GPR78: variants seen among roughly 807,000 people sequenced by gnomAD.
GPR78 encodes G protein-coupled receptor 78.
In GPR78, 29 loss-of-function variants were observed where a neutral mutation model predicts 17.9. The observed-to-expected ratio is 1.62, with a 90% CI of 1.20 to 2.21. The LOEUF is 2.21. Ranked by LOEUF, GPR78 falls within the 30% of genes most tolerant of loss-of-function variation. GPR78 has a pLI of 0.00. For missense variants in GPR78, 649 were observed against 530.5 expected (o/e 1.22, Z -2.19); for synonymous variants, 349 against 256.9 (o/e 1.36, Z -3.43).
At chr4:8,584,086 T>C (rs1232813388) in intron 2 of GPR78, among the ~76,000 whole-genome samples, 1 of 152,212 alleles carries the variant, frequency 6.6e-6, no homozygotes, top group Non-Finnish European at 1.5e-5. Context: ...TTCATGTGTA[T>C]ACACACATGC....
In GPR78 at chr4:8,581,580, C is replaced by G. The variant is rs773356207; in HGVS notation, c.598C>G (p.Arg200Gly). 6.4e-7 allele frequency: 1 copy of G among 1,570,402 alleles called. No homozygotes were observed. Among genetic ancestry groups the G allele is most frequent in the South Asian group, 1.2e-5 (1 of 85,760 alleles). ...CTCGCTCCAGGTGCACCGGGTGGCA[C>G]GCAGACACTGCCAGCGCATGGACAC... ...LTSLQVHRVA[R>G]RHCQRMDTVT... Residue 200 changes from arginine to glycine, a missense_variant, in exon 1 of 3, where the codon CGC (arginine) becomes GGC (glycine). Physicochemically the swap from Arg to Gly is moderately radical, Grantham distance 125. Transcript: ENST00000382487.
At chr4:8,582,227 T>C (rs553929402) in intron 1 of GPR78, among the ~76,000 whole-genome samples, 1 of 152,116 alleles carries the variant, frequency 6.6e-6, no homozygotes, top group South Asian at 2.1e-4. Context: ...TCTCCCTCCT[T>C]GAGGGCCCCA....
Position 8,587,349 on chromosome 4 carries a change from C to T in GPR78, c.1078C>T (p.Gln360Ter). Residue 360 changes from glutamine (Q) to a stop codon, truncating the protein, a stop_gained, in exon 3 of 3, where the codon CAG becomes TAG. Transcript: ENST00000382487. LOFTEE classifies it high-confidence loss of function. Reference protein sequence around the residue: ...SVDTENDSCLQQTH With the variant: ...SVDTENDSCL Reference sequence around the variant, plus strand: ...GGACACAGAGAATGATTCCTGCCTGCAGCAGACACACTGAGGGCCTGGCAG... The same window carrying T: ...GGACACAGAGAATGATTCCTGCCTGTAGCAGACACACTGAGGGCCTGGCAG... 3 of 1,612,568 alleles carry T rather than the reference C, an allele frequency of 1.9e-6. No individual in the cohort carries two copies. The South Asian group carries it at 3.3e-5, about 18-fold the overall frequency.
chr4:8,584,204 G>A (rs1713408323), intron 2 of GPR78, among the ~76,000 whole-genome samples: 1 of 151,198 alleles, frequency 6.6e-6, no homozygotes, highest in South Asian at 2.1e-4. Context: ...AATGATGAGT[G>A]AGACTGGCTT....
At position 8,580,922 on chromosome 4, in the gene GPR78, C is replaced by G. The variant is rs1053567284; in HGVS notation, c.-61C>G. ...CAGCTGCTCCATCGCCTCACTTTCC[C>G]AGGCTCGCGCCCGAAGCAGAGCCAT... On this transcript the variant is annotated 5_prime_UTR_variant, in exon 1 of 3. Transcript: ENST00000382487. The G allele has an allele frequency of 1.5e-5, 21 of 1,409,914 alleles. No homozygotes were observed. Among genetic ancestry groups the G allele is most frequent in the Non-Finnish European group, 1.8e-5 (19 of 1,068,982 alleles). The allele number at this position is 1,409,914 out of a possible 1,614,324, so 87.3% of individuals were successfully genotyped here. A position where few individuals can be genotyped will look rare whatever the true frequency, so the allele number is the denominator to read the frequency against.
At chr4:8,584,103 G>A (rs1713404317) in intron 2 of GPR78, among the ~76,000 whole-genome samples, 1 of 152,160 alleles carries the variant, frequency 6.6e-6, no homozygotes, top group African/African-American at 2.4e-5. Context: ...ATGCATGTGT[G>A]TATTCATACA....
intron 2 of GPR78, chr4:8,582,849 C>G (rs1577098721): frequency 3.6e-6 from 2 of 557,916 alleles, no homozygotes; most frequent in Admixed American, 6.2e-5. Flanking sequence ...CCATCCTGTC[C>G]TATAAATGAG....
At chr4:8,586,387 C>A (rs564457328) in intron 2 of GPR78, among the ~76,000 whole-genome samples, 1 of 152,160 alleles carries the variant, frequency 6.6e-6, no homozygotes, top group South Asian at 2.1e-4. Flanking sequence ...GAGACACCCT[C>A]GAGCTTCTCT....
intron 2 of GPR78, among the ~76,000 whole-genome samples, chr4:8,583,327 C>A (rs1367890564): frequency 1.3e-5 from 2 of 152,058 alleles, no homozygotes; most frequent in African/African-American, 4.8e-5. Context: ...TAGAGGGAGG[C>A]AGGTTGTTTA....
In GPR78 at chr4:8,581,266, T is replaced by C. The variant is rs763140925; in HGVS notation, c.284T>C (p.Leu95Pro). ...LDTFLASNAALSVAALSADQW... is the reference protein window; with the variant it reads ...LDTFLASNAAPSVAALSADQW... ...ACCTTCCTGGCGTCCAACGCGGCGC[T>C]GAGCGTGGCGGCGCTGAGCGCAGAC... is the stretch of plus-strand genomic sequence containing the variant. Residue 95 changes from leucine to proline, a missense_variant, in exon 1 of 3, where the codon CTG (leucine) becomes CCG (proline). Transcript: ENST00000382487. 6.3e-7 allele frequency: 1 copy of C among 1,591,190 alleles called. No homozygotes were observed. Among genetic ancestry groups the C allele is most frequent in the Non-Finnish European group, 8.5e-7 (1 of 1,174,112 alleles).
rs1016708470 is a variant in GPR78 at position 8,587,256 on chromosome 4, G to A, written c.985G>A (p.Val329Met). The A allele has an allele frequency of 6.2e-7, 1 of 1,605,680 alleles. No individual in the cohort carries two copies. The highest frequency in any genetic ancestry group is 1.3e-5 in the African/African-American group (1 of 74,662). Reference sequence around the variant, plus strand: ...ATCCACCCATGACAGCTCTCTGGATGTGGCCGGCATGGTGCACCAGCTGCT... The same window carrying A: ...ATCCACCCATGACAGCTCTCTGGATATGGCCGGCATGGTGCACCAGCTGCT... ...PASTHDSSLDVAGMVHQLLKR... is the reference protein window; with the variant it reads ...PASTHDSSLDMAGMVHQLLKR... Residue 329 changes from valine (V) to methionine (M), a missense_variant, in exon 3 of 3, where the codon GTG becomes ATG. Coordinates refer to ENST00000382487, the MANE Select transcript of GPR78 (RefSeq NM_080819.5).
chr4:8,586,722 G>A (rs977311641), intron 2 of GPR78, among the ~76,000 whole-genome samples: 3 of 152,192 alleles, frequency 2.0e-5, no homozygotes, highest in Non-Finnish European at 2.9e-5. Context: ...AGGTGTCCGC[G>A]GCAGGTGTAC....
intron 2 of GPR78, among the ~76,000 whole-genome samples, chr4:8,586,827 G>C (rs1713527928): frequency 6.6e-6 from 1 of 152,208 alleles, no homozygotes; most frequent in Non-Finnish European, 1.5e-5. Flanking sequence ...CTGCTGTGTG[G>C]TATGCGGGCT....
chr4:8,585,884 G>C (rs1713484058), intron 2 of GPR78, among the ~76,000 whole-genome samples: 1 of 152,238 alleles, frequency 6.6e-6, no homozygotes, highest in African/African-American at 2.4e-5. Flanking sequence ...TGCTGTGTTT[G>C]TGGGTGGTCC....
In GPR78 at chr4:8,581,620, C is replaced by T. The variant is rs755641077; in HGVS notation, c.638C>T (p.Ala213Val). 5.3e-6 allele frequency: 8 copies of T among 1,505,876 alleles called. No homozygotes were observed. In the South Asian group the frequency reaches 6.6e-5, roughly 12 times the overall value. 93.3% of individuals were successfully genotyped at this position (1,505,876 alleles called of 1,614,324 possible). A position where few individuals can be genotyped will look rare whatever the true frequency, so the allele number is the denominator to read the frequency against. ...CGCATGGACACCGTCACCATGAAGG[C>T]GCTCGCGCTGCTCGCCGACCTGCAC... is the stretch of plus-strand genomic sequence containing the variant. Reference protein sequence around the residue: ...CQRMDTVTMKALALLADLHPS... With the variant: ...CQRMDTVTMKVLALLADLHPS... Residue 213 changes from alanine to valine, a missense_variant, in exon 1 of 3, where the codon GCG becomes GTG. Coordinates refer to ENST00000382487, the MANE Select transcript of GPR78 (RefSeq NM_080819.5).
chr4:8,581,604 A>C lies in GPR78; in HGVS notation c.622A>C (p.Thr208Pro). The C allele has an allele frequency of 6.5e-7, 1 of 1,542,956 alleles. No individual in the cohort carries two copies. The highest frequency in any genetic ancestry group is 8.7e-7 in the Non-Finnish European group (1 of 1,151,162). Residue 208 changes from threonine (T) to proline (P), a missense_variant, in exon 1 of 3, where the codon ACC (threonine) becomes CCC (proline). Physicochemically the swap from Thr to Pro is conservative, Grantham distance 38. Transcript: ENST00000382487. ...ACGCAGACACTGCCAGCGCATGGAC[A>C]CCGTCACCATGAAGGCGCTCGCGCT... The part of the protein sequence containing the change: ...VARRHCQRMD[T>P]VTMKALALLA...
chr4:8,581,632 T>C lies in GPR78; in HGVS notation c.650T>C (p.Leu217Pro). The change falls in exon 1 of 3, where the codon CTC becomes CCC. Residue 217 changes from leucine (L) to proline (P), a missense_variant. Transcript: ENST00000382487. ...GTCACCATGAAGGCGCTCGCGCTGC[T>C]CGCCGACCTGCACCCCAGGTATTGG... The part of the protein sequence containing the change: ...DTVTMKALAL[L>P]ADLHPSVRQR... 6.7e-7 allele frequency: 1 copy of C among 1,488,724 alleles called. No homozygotes were observed. Among genetic ancestry groups the C allele is most frequent in the Non-Finnish European group, 8.9e-7 (1 of 1,123,706 alleles). The allele number at this position is 1,488,724 out of a possible 1,614,324, so 92.2% of individuals were successfully genotyped here.
In GPR78 at chr4:8,580,786, T is replaced by G. The variant is rs4235270; in HGVS notation, c.-197T>G. The G allele has an allele frequency of 0.38, 228,625 of 601,458 alleles. 48,675 individuals are homozygous for G. The highest frequency in any genetic ancestry group is 0.78 in the East Asian group (26,251 of 33,452). The allele number at this position is 601,458 out of a possible 1,614,324, so 37.3% of individuals were successfully genotyped here. ...CCGGGCTGCTCCTGCTCCGCAGAGC[T>G]ACGCCCTCCCCCCGGGTGCCCCGGA... On this transcript the variant is annotated 5_prime_UTR_variant, in exon 1 of 3. Transcript: ENST00000382487.
intron 2 of GPR78, among the ~76,000 whole-genome samples, chr4:8,584,727 A>C (rs933132142): frequency 6.6e-6 from 1 of 152,234 alleles, no homozygotes; most frequent in African/African-American, 2.4e-5. Flanking sequence ...GAACCGAATC[A>C]GAACCTCACT....
Sources: gnomAD v4.1 joint callset for allele counts (sites outside exome capture counted in the v4.1 genomes callset) on GRCh38, gnomAD v4.1.1 for gene constraint, MANE v1.5 for transcripts, NCBI Gene and HGNC (gene_info 2026-07-23, HGNC 2026-07-21) for gene names.